Variants in OR52E8 observed in about 807,000 individuals in gnomAD.
OR52E8 encodes the protein olfactory receptor family 52 subfamily E member 8, also known as olfactory receptor 52E8.
For missense variants in OR52E8, 451 were observed against 383.9 expected, an observed-to-expected ratio of 1.17 and a Z score of -1.46; for synonymous variants, 167 against 141.1, an observed-to-expected ratio of 1.18 and a Z score of -1.30.
chr11:5,857,101 T>C lies in OR52E8; in HGVS notation c.590A>G (p.Asn197Ser), dbSNP rs758720541. The C allele has an allele frequency of 3.7e-6, 6 of 1,609,058 alleles. No homozygotes were observed. The highest frequency in any genetic ancestry group is 4.2e-6 in the Non-Finnish European group (5 of 1,179,850). The change falls in exon 1 of 1, where the codon AAC becomes AGC. Residue 197 changes from asparagine to serine, a missense_variant. Asn to Ser is a conservative substitution (Grantham distance 46). Coordinates refer to ENST00000537935, the MANE Select transcript of OR52E8 (RefSeq NM_001005168.3). ...ARLACASIKVNIRFGLGNISL... is the reference protein window; with the variant it reads ...ARLACASIKVSIRFGLGNISL... ...TATGTTGCCAAGGCCAAACCTAATG[T>C]TGACTTTGATGCTGGCACAGGCCAG...
In OR52E8 at chr11:5,856,987, C is replaced by G. The variant is rs753679630; in HGVS notation, c.704G>C (p.Arg235Pro). ...ACCACAGGTGTTGAGAGCTTTGAGT[C>G]GAGCTTCCCAGGAGGGCAGGCAGAA... ...AVFCLPSWEA[R>P]LKALNTCGSH... Residue 235 changes from arginine to proline, a missense_variant, in exon 1 of 1, where the codon CGA becomes CCA. Arg to Pro is a moderately radical substitution (Grantham distance 103). Coordinates refer to ENST00000537935, the MANE Select transcript of OR52E8 (RefSeq NM_001005168.3). 7.5e-6 allele frequency: 12 copies of G among 1,605,376 alleles called. No individual in the cohort carries two copies. The highest frequency in any genetic ancestry group is 3.3e-5 in the South Asian group (3 of 90,674).
Position 5,857,398 on chromosome 11 carries a change from C to G in OR52E8, c.293G>C (p.Gly98Ala). 1 of 1,610,290 alleles carries G rather than the reference C, an allele frequency of 6.2e-7. No homozygotes were observed. Among genetic ancestry groups the G allele is most frequent in the Non-Finnish European group, 8.5e-7 (1 of 1,179,894 alleles). ...WFNTKEISFG[G>A]CLSHMFFIHF... ...GATGAAGAACATGTGAGAAAGGCAG[C>G]CTCCAAAAGATATTTCTTTGGTATT... Residue 98 changes from glycine (G) to alanine (A), a missense_variant, in exon 1 of 1, where the codon GGC (glycine) becomes GCC (alanine). Gly to Ala is a moderately conservative substitution (Grantham distance 60). Transcript: ENST00000537935.
Position 5,856,962 on chromosome 11 carries a change from A to G in OR52E8, c.729T>C (p.Gly243=), listed in dbSNP as rs762494246. The G allele has an allele frequency of 7.5e-6, 12 of 1,605,038 alleles. No homozygotes were observed. The highest frequency in any genetic ancestry group is 1.0e-5 in the Non-Finnish European group (12 of 1,178,490). The change falls in exon 1 of 1, where the codon GGT becomes GGC. Residue 243 remains glycine (G), a synonymous_variant. Coordinates refer to ENST00000537935, the MANE Select transcript of OR52E8 (RefSeq NM_001005168.3). Reference sequence around the variant, plus strand: ...AGGCTAAGATAACACCAATATGAGAACCACAGGTGTTGAGAGCTTTGAGTC... The same window carrying G: ...AGGCTAAGATAACACCAATATGAGAGCCACAGGTGTTGAGAGCTTTGAGTC... ...EARLKALNTC[G]SHIGVILAFF... is the part of the protein sequence containing the mutation.
rs775133468 is a variant in OR52E8 at position 5,857,535 on chromosome 11, C to A, written c.156G>T (p.Gln52His). Residue 52 changes from glutamine to histidine, a missense_variant, in exon 1 of 1, where the codon CAG becomes CAT. Physicochemically the swap from Gln to His is conservative, Grantham distance 24. Transcript: ENST00000537935. ...TAGGCTCATGGAGACTCTGCTCAGT[C>A]TGGATCACAAACAAGAGAGCAGTGT... ...LGNTALLFVI[Q>H]TEQSLHEPMY... 1 of 1,609,382 alleles carries A rather than the reference C, an allele frequency of 6.2e-7. No individual in the cohort carries two copies. The highest frequency in any genetic ancestry group is 8.5e-7 in the Non-Finnish European group (1 of 1,179,812).
chr11:5,857,629 C>A lies in OR52E8; in HGVS notation c.62G>T (p.Gly21Val), dbSNP rs900350160. The A allele has an allele frequency of 6.2e-7, 1 of 1,609,408 alleles. No homozygotes were observed. Residue 21 changes from glycine (G) to valine (V), a missense_variant, in exon 1 of 1, where the codon GGG becomes GTG. Physicochemically the swap from Gly to Val is moderately radical, Grantham distance 109. Coordinates refer to ENST00000537935, the MANE Select transcript of OR52E8 (RefSeq NM_001005168.3). ...PSSFLLLGIP[G>V]LEDVHIWIGV... The stretch of plus-strand genomic sequence containing the variant: ...AATCCAAATGTGCACATCTTCTAGC[C>A]CTGGGATACCCAGCAGTAGGAATGA...
At position 5,857,469 on chromosome 11, in the gene OR52E8, G is replaced by A. The variant is rs745745191; in HGVS notation, c.222C>T (p.Gly74=). 8.1e-6 allele frequency: 13 copies of A among 1,609,852 alleles called. No individual in the cohort carries two copies. Among genetic ancestry groups the A allele is most frequent in the Non-Finnish European group, 1.1e-5 (13 of 1,179,866 alleles). ...FLAMLDSIDL[G]LSTATIPKML... The stretch of plus-strand genomic sequence containing the variant: ...TTTTGGGGATGGTGGCTGTAGACAA[G>A]CCCAGGTCAATGGAATCCAACATGG... The change falls in exon 1 of 1, where the codon GGC becomes GGT. Residue 74 remains glycine (G), a synonymous_variant. Transcript: ENST00000537935.
At position 5,857,671 on chromosome 11, in the gene OR52E8, G is replaced by C; in HGVS notation, c.20C>G (p.Thr7Ser). The C allele has an allele frequency of 6.2e-7, 1 of 1,609,112 alleles. No individual in the cohort carries two copies. The highest frequency in any genetic ancestry group is 8.5e-7 in the Non-Finnish European group (1 of 1,179,542). Residue 7 changes from threonine (T) to serine (S), a missense_variant, in exon 1 of 1, where the codon ACC (threonine) becomes AGC (serine). Coordinates refer to ENST00000537935, the MANE Select transcript of OR52E8 (RefSeq NM_001005168.3). MSTSNH[T>S]QFHPSSFLLL... ...TAGGAATGAAGAAGGATGGAACTGG[G>C]TGTGATTAGACGTAGACATTCTTCC... is the stretch of plus-strand genomic sequence containing the variant.
Position 5,856,851 on chromosome 11 carries a change from C to T in OR52E8, c.840G>A (p.Leu280=). Residue 280 remains leucine, a synonymous_variant, in exon 1 of 1, where the codon CTG becomes CTA. Coordinates refer to ENST00000537935, the MANE Select transcript of OR52E8 (RefSeq NM_001005168.3). The part of the protein sequence containing the change: ...PQYIHIILAN[L]YVVVPPALNP... Reference sequence around the variant, plus strand: ...TGAGGGCTGGTGGGACAACCACATACAGGTTGGCTAATATAATATGTATAT... The same window carrying T: ...TGAGGGCTGGTGGGACAACCACATATAGGTTGGCTAATATAATATGTATAT... The T allele has an allele frequency of 6.2e-7, 1 of 1,607,546 alleles. No individual in the cohort carries two copies. The highest frequency in any genetic ancestry group is 8.5e-7 in the Non-Finnish European group (1 of 1,179,406).
Position 5,857,520 on chromosome 11 carries a change from G to A in OR52E8, c.171C>T (p.Leu57=), listed in dbSNP as rs766947599. The change falls in exon 1 of 1, where the codon CTC becomes CTT. Residue 57 remains leucine (L), a synonymous_variant. Transcript: ENST00000537935. Reference sequence around the variant, plus strand: ...CCAGGAAGTAGTACATAGGCTCATGGAGACTCTGCTCAGTCTGGATCACAA... The same window carrying A: ...CCAGGAAGTAGTACATAGGCTCATGAAGACTCTGCTCAGTCTGGATCACAA... ...LLFVIQTEQS[L]HEPMYYFLAM... is the part of the protein sequence containing the mutation. The A allele has an allele frequency of 2.7e-5, 44 of 1,609,602 alleles. No individual in the cohort carries two copies. Among genetic ancestry groups the A allele is most frequent in the Non-Finnish European group, 3.6e-5 (43 of 1,179,802 alleles).
chr11:5,857,126 G>C lies in OR52E8; in HGVS notation c.565C>G (p.Leu189Val). 3 of 1,609,700 alleles carry C rather than the reference G, an allele frequency of 1.9e-6. No homozygotes were observed. Among genetic ancestry groups the C allele is most frequent in the Non-Finnish European group, 2.5e-6 (3 of 1,179,866 alleles). ...TTGACTTTGATGCTGGCACAGGCCA[G>C]ACGGGCAATGCCCATGTGCTCACAA... ...TYCEHMGIAR[L>V]ACASIKVNIR... The change falls in exon 1 of 1, where the codon CTG becomes GTG. Residue 189 changes from leucine (L) to valine (V), a missense_variant. Physicochemically the swap from Leu to Val is conservative, Grantham distance 32 (BLOSUM62 1). Transcript: ENST00000537935.
In OR52E8 at chr11:5,857,619, A is replaced by G. The variant is rs1846755329; in HGVS notation, c.72T>C (p.Asp24=). 2 of 1,609,506 alleles carry G rather than the reference A, an allele frequency of 1.2e-6. No individual in the cohort carries two copies. The highest frequency in any genetic ancestry group is 3.3e-5 in the Admixed American group (2 of 59,832). ...FLLLGIPGLE[D]VHIWIGVPFF... ...AAGGGACTCCAATCCAAATGTGCAC[A>G]TCTTCTAGCCCTGGGATACCCAGCA... Residue 24 remains aspartate, a synonymous_variant, in exon 1 of 1, where the codon GAT becomes GAC. Coordinates refer to ENST00000537935, the MANE Select transcript of OR52E8 (RefSeq NM_001005168.3).
rs143411390 is a variant in OR52E8 at position 5,857,173 on chromosome 11, T to G, written c.518A>C (p.His173Pro). ...ACAATAAGTATGAGGGATGATACGA[T>G]GCCCACAGAAGGGCAGCCTCAGAAG... The part of the protein sequence containing the change: ...FLLLRLPFCG[H>P]RIIPHTYCEH... Residue 173 changes from histidine to proline, a missense_variant, in exon 1 of 1, where the codon CAT (histidine) becomes CCT (proline). His to Pro is a moderately conservative substitution (Grantham distance 77). Transcript: ENST00000537935. The G allele has an allele frequency of 6.5e-4, 1,046 of 1,610,000 alleles. 18 individuals are homozygous for G. In the East Asian group the frequency reaches 0.018, roughly 27 times the overall value.
rs751955511 is a variant in OR52E8, at chr11:5,857,159, G to A, written c.532C>T (p.His178Tyr). The A allele has an allele frequency of 7.5e-6, 12 of 1,609,890 alleles. No individual in the cohort carries two copies. The highest frequency in any genetic ancestry group is 1.0e-5 in the Non-Finnish European group (12 of 1,179,900). Residue 178 changes from histidine to tyrosine, a missense_variant, in exon 1 of 1, where the codon CAT (histidine) becomes TAT (tyrosine). Transcript: ENST00000537935. The stretch of plus-strand genomic sequence containing the variant: ...ATGCCCATGTGCTCACAATAAGTAT[G>A]AGGGATGATACGATGCCCACAGAAG... ...LPFCGHRIIP[H>Y]TYCEHMGIAR...
rs768180259 is a variant in OR52E8 at position 5,856,870 on chromosome 11, T to C, written c.821A>G (p.His274Arg). ...RFGHNIPQYI[H>R]IILANLYVVV... ...CACATACAGGTTGGCTAATATAATA[T>C]GTATATACTGTGGGATATTATGGCC... is the stretch of plus-strand genomic sequence containing the variant. The change falls in exon 1 of 1, where the codon CAT (histidine) becomes CGT (arginine). Residue 274 changes from histidine to arginine, a missense_variant. His to Arg is a conservative substitution (Grantham distance 29). Coordinates refer to ENST00000537935, the MANE Select transcript of OR52E8 (RefSeq NM_001005168.3). 2 of 1,607,084 alleles carry C rather than the reference T, an allele frequency of 1.2e-6. No homozygotes were observed. Among genetic ancestry groups the C allele is most frequent in the African/African-American group, 1.4e-5 (1 of 69,534 alleles).
Position 5,857,422 on chromosome 11 carries a change from T to A in OR52E8, c.269A>T (p.Asn90Ile). ...IPKMLGIFWFNTKEISFGGCL... is the reference protein window; with the variant it reads ...IPKMLGIFWFITKEISFGGCL... ...GCCTCCAAAAGATATTTCTTTGGTA[T>A]TGAACCAGAAGATGCCCAACATTTT... The change falls in exon 1 of 1, where the codon AAT becomes ATT. Residue 90 changes from asparagine (N) to isoleucine (I), a missense_variant. Coordinates refer to ENST00000537935, the MANE Select transcript of OR52E8 (RefSeq NM_001005168.3). 6.2e-7 allele frequency: 1 copy of A among 1,610,198 alleles called. No homozygotes were observed. The highest frequency in any genetic ancestry group is 8.5e-7 in the Non-Finnish European group (1 of 1,179,868).
chr11:5,856,985 G>A lies in OR52E8; in HGVS notation c.706C>T (p.Leu236Phe). 1 of 1,606,224 alleles carries A rather than the reference G, an allele frequency of 6.2e-7. No individual in the cohort carries two copies. The highest frequency in any genetic ancestry group is 8.5e-7 in the Non-Finnish European group (1 of 1,178,826). The change falls in exon 1 of 1, where the codon CTC (leucine) becomes TTC (phenylalanine). Residue 236 changes from leucine (L) to phenylalanine (F), a missense_variant. Leu to Phe is a conservative substitution (Grantham distance 22, BLOSUM62 0). Transcript: ENST00000537935. ...GAACCACAGGTGTTGAGAGCTTTGA[G>A]TCGAGCTTCCCAGGAGGGCAGGCAG... ...VFCLPSWEAR[L>F]KALNTCGSHI...
Position 5,856,919 on chromosome 11 carries a change from A to C in OR52E8, c.772T>G (p.Phe258Val). Residue 258 changes from phenylalanine to valine, a missense_variant, in exon 1 of 1, where the codon TTT becomes GTT. By Grantham distance (50) the Phe-to-Val change is conservative. Transcript: ENST00000537935. Reference sequence around the variant, plus strand: ...CCAAAACGATGTGTCAAGAATGAAAAAAATGCTGGTGTAAAAAAGGCTAAG... The same window carrying C: ...CCAAAACGATGTGTCAAGAATGAAACAAATGCTGGTGTAAAAAAGGCTAAG... ...VILAFFTPAF[F>V]SFLTHRFGHN... The C allele has an allele frequency of 6.2e-7, 1 of 1,606,318 alleles. No individual in the cohort carries two copies. The highest frequency in any genetic ancestry group is 8.5e-7 in the Non-Finnish European group (1 of 1,179,216).
Position 5,857,177 on chromosome 11 carries a change from C to G in OR52E8, c.514G>C (p.Gly172Arg). ...TAAGTATGAGGGATGATACGATGCCCACAGAAGGGCAGCCTCAGAAGGAGA... is the reference window on the plus strand; with the variant it reads ...TAAGTATGAGGGATGATACGATGCCGACAGAAGGGCAGCCTCAGAAGGAGA... ...VFLLLRLPFC[G>R]HRIIPHTYCE... is the part of the protein sequence containing the mutation. The change falls in exon 1 of 1, where the codon GGG (glycine) becomes CGG (arginine). Residue 172 changes from glycine (G) to arginine (R), a missense_variant. By Grantham distance (125) the Gly-to-Arg change is moderately radical. Transcript: ENST00000537935. 6.2e-7 allele frequency: 1 copy of G among 1,609,936 alleles called. No individual in the cohort carries two copies. The highest frequency in any genetic ancestry group is 8.5e-7 in the Non-Finnish European group (1 of 1,179,902).
chr11:5,857,645 G>A lies in OR52E8; in HGVS notation c.46C>T (p.Leu16=). The A allele has an allele frequency of 6.2e-7, 1 of 1,609,634 alleles. No homozygotes were observed. Residue 16 remains leucine, a synonymous_variant, in exon 1 of 1, where the codon CTG becomes TTG. Coordinates refer to ENST00000537935, the MANE Select transcript of OR52E8 (RefSeq NM_001005168.3). ...HTQFHPSSFL[L]LGIPGLEDVH... ...TCTTCTAGCCCTGGGATACCCAGCA[G>A]TAGGAATGAAGAAGGATGGAACTGG...
Sources: allele counts gnomAD v4.1 joint callset, GRCh38; gene constraint gnomAD v4.1.1; transcripts MANE v1.5; gene names NCBI Gene and HGNC (gene_info 2026-07-23, HGNC 2026-07-21).